The following TBL1X variants were observed in gnomAD, a reference collection of about 807,000 sequenced individuals.
TBL1X encodes transducin beta like 1 X-linked.
Under a neutral mutation model 50.7 loss-of-function variants are expected in TBL1X, and 10 were observed. The ratio of observed to expected loss-of-function variants is 0.20; its 90% CI spans 0.12 to 0.33. The LOEUF (loss-of-function observed/expected upper bound fraction) is 0.33. TBL1X is among the 10% of genes least tolerant of loss of function. The pLI, the probability that TBL1X is intolerant of heterozygous loss-of-function variation, is 1.00. For synonymous variants in TBL1X, 190 were observed against 214.7 expected (o/e 0.88, Z 1.01); for missense variants, 340 against 504.4 (o/e 0.67, Z 3.12).
At chrX:9,674,333 C>T (rs1408407116) in intron 5 of TBL1X, among the ~76,000 whole-genome samples, 1 of 110,705 alleles carries the variant, frequency 9.0e-6, no homozygotes, top group Non-Finnish European at 1.9e-5. Flanking sequence ...GATCTTGCCT[C>T]ACTGCAGCCT....
chrX:9,529,000 TG>T (rs1201408663), intron 2 of TBL1X, among the ~76,000 whole-genome samples: 1 of 112,156 alleles, frequency 8.9e-6, no homozygotes, highest in Non-Finnish European at 1.9e-5. Context: ...AAACCAGCAC[TG>T]AAAAATACGG....
intron 13 of TBL1X, among the ~76,000 whole-genome samples, chrX:9,707,179 C>G (rs1051892017): frequency 1.8e-5 from 2 of 111,122 alleles, no homozygotes; most frequent in African/African-American, 3.3e-5. Flanking sequence ...CATTGTGCCA[C>G]TAACTTAACT....
chrX:9,511,929 C>T (rs1317925394), intron 2 of TBL1X, among the ~76,000 whole-genome samples: 1 of 111,519 alleles, frequency 9.0e-6, no homozygotes, highest in African/African-American at 3.3e-5. Flanking sequence ...GGCGCGATCT[C>T]AGGTCACTGC....
intron 5 of TBL1X, among the ~76,000 whole-genome samples, chrX:9,661,388 G>A (rs1029592671): frequency 9.8e-5 from 11 of 111,763 alleles, no homozygotes; most frequent in Non-Finnish European, 1.9e-4. Context: ...AGCCGGGTGT[G>A]GTGGTTCATG....
intron 12 of TBL1X, among the ~76,000 whole-genome samples, chrX:9,699,950 G>T (rs1329664305): frequency 8.9e-6 from 1 of 111,823 alleles, no homozygotes; most frequent in Admixed American, 9.5e-5. Flanking sequence ...GAGACAAAAG[G>T]CTCCCAATGC....
chrX:9,568,988 G>A lies in TBL1X; in HGVS notation c.-131+67139G>A, dbSNP rs912215537. 1.0e-4 allele frequency among the ~76,000 whole-genome samples: 11 copies of A among 105,292 alleles called. No homozygotes were observed. In the South Asian group the frequency reaches 1.3e-3, roughly 12 times the overall value. 91.4% of individuals were successfully genotyped at this position (105,292 alleles called of 115,157 possible). A position where few individuals can be genotyped will look rare whatever the true frequency, so the allele number is the denominator to read the frequency against. ...TCTATCTGTGCAGTGTGCTCTGTGC[G>A]GTGTGCTGTGTGTGTGTCTGTGCAG... is the stretch of plus-strand genomic sequence containing the variant. On this transcript the variant is annotated intron_variant, in intron 2 of 17. Coordinates refer to ENST00000645353, the MANE Select transcript of TBL1X (RefSeq NM_005647.4).
chrX:9,692,203 G>A lies in TBL1X; in HGVS notation c.840G>A (p.Glu280=). The A allele has an allele frequency of 8.3e-7, 1 of 1,204,684 alleles. No homozygotes were observed. Residue 280 remains glutamate, a synonymous_variant, in exon 9 of 18, where the codon GAG becomes GAA. Transcript: ENST00000645353. ...TQLVLRHCIR[E]GGHDVPSNKD... Reference sequence around the variant, plus strand: ...TCGTGTTGAGGCACTGTATACGAGAGGGGGGCCATGACGTCCCGAGTAACA... The same window carrying A: ...TCGTGTTGAGGCACTGTATACGAGAAGGGGGCCATGACGTCCCGAGTAACA...
chrX:9,604,692 G>T (rs775853321), intron 2 of TBL1X, among the ~76,000 whole-genome samples: 1 of 110,929 alleles, frequency 9.0e-6, no homozygotes, highest in East Asian at 2.9e-4. Context: ...CCGCTGTTCC[G>T]CTTGGGATGT....
At chrX:9,509,610 C>T (rs779895362) in intron 2 of TBL1X, among the ~76,000 whole-genome samples, 152 of 105,961 alleles carry the variant, frequency 1.4e-3, no homozygotes, top group African/African-American at 5.1e-3. Context: ...CTCAACCTCC[C>T]AAGTAGCTGG....
At chrX:9,626,586 T>C (rs946785356) in intron 2 of TBL1X, among the ~76,000 whole-genome samples, 1 of 112,349 alleles carries the variant, frequency 8.9e-6, no homozygotes, top group Non-Finnish European at 1.9e-5. Context: ...ACAATAGATT[T>C]CTTGGTCTTG....
intron 1 of TBL1X, among the ~76,000 whole-genome samples, chrX:9,489,587 G>C (rs2146939495): frequency 9.0e-6 from 1 of 111,388 alleles, no homozygotes; most frequent in East Asian, 2.8e-4. Flanking sequence ...CTCCTCATCA[G>C]GGGACCCTGG....
chrX:9,468,765 G>A (rs1410789269), intron 1 of TBL1X, among the ~76,000 whole-genome samples: 1 of 110,633 alleles, frequency 9.0e-6, no homozygotes, highest in East Asian at 2.8e-4. Context: ...ATATATATAG[G>A]GGTCGGGTAG....
intron 5 of TBL1X, among the ~76,000 whole-genome samples, chrX:9,666,998 A>C (rs2082934213): frequency 8.9e-6 from 1 of 112,241 alleles, no homozygotes; most frequent in African/African-American, 3.2e-5. Flanking sequence ...TCTTAACCTA[A>C]AAGAGCGATA....
At chrX:9,508,225 AG>A (rs1291081576) in intron 2 of TBL1X, among the ~76,000 whole-genome samples, 7 of 112,441 alleles carry the variant, frequency 6.2e-5, no homozygotes, top group African/African-American at 1.9e-4. Flanking sequence ...AGAATTTGCA[AG>A]GAACTTAAAC....
intron 2 of TBL1X, among the ~76,000 whole-genome samples, chrX:9,508,931 G>T (rs1244949960): frequency 9.1e-6 from 1 of 109,775 alleles, no homozygotes; most frequent in East Asian, 2.9e-4. Context: ...ACCAGGGCCT[G>T]TTGGGGAGTG....
chrX:9,699,671 G>A (rs2083157225), intron 12 of TBL1X, among the ~76,000 whole-genome samples: 1 of 111,589 alleles, frequency 9.0e-6, no homozygotes, highest in Admixed American at 9.5e-5. Flanking sequence ...TGAACCGAAG[G>A]TCCCGTCGAG....
chrX:9,625,875 G>A (rs186979213), intron 2 of TBL1X, among the ~76,000 whole-genome samples: 1,319 of 112,192 alleles, frequency 0.012, 9 homozygotes, highest in Non-Finnish European at 0.016. Context: ...GCGGGGGGGC[G>A]GAGGTTACAG....
upstream of TBL1X, among the ~76,000 whole-genome samples, chrX:9,463,649 T>A (rs1417242452): frequency 8.9e-6 from 1 of 112,169 alleles, no homozygotes; most frequent in East Asian, 2.8e-4. Flanking sequence ...CCCAGCACTT[T>A]GGGAGGCCGA....
At chrX:9,576,884 T>C (rs1485955040) in intron 2 of TBL1X, among the ~76,000 whole-genome samples, 1 of 109,231 alleles carries the variant, frequency 9.2e-6, no homozygotes, top group East Asian at 2.9e-4. Context: ...CCTGTAGTCT[T>C]AGCTACTTGG....
Sources: allele counts gnomAD v4.1 joint callset (sites outside exome capture counted in the v4.1 genomes callset), GRCh38; gene constraint gnomAD v4.1.1; transcripts MANE v1.5; gene names NCBI Gene and HGNC (gene_info 2026-07-23, HGNC 2026-07-21).